The following THOC2 variants were observed in gnomAD, a reference collection of about 807,000 sequenced individuals.
THOC2 encodes the protein THO complex 2.
In THOC2, 10 loss-of-function variants were observed where a neutral mutation model predicts 128.4. The observed-to-expected ratio is 0.08, with a 90% CI of 0.05 to 0.13. The LOEUF is 0.13. Ranked by LOEUF, THOC2 falls within the 10% of genes least tolerant of loss-of-function variation. THOC2 has a pLI of 1.00. For missense variants in THOC2, 535 were observed against 1,155.7 expected (o/e 0.46, Z 7.79); for synonymous variants, 393 against 396.9 (o/e 0.99, Z 0.12).
intron 33 of THOC2, among the ~76,000 whole-genome samples, chrX:123,617,514 G>C (rs2046940984): frequency 9.0e-6 from 1 of 111,110 alleles, no homozygotes; most frequent in Admixed American, 9.6e-5. Context: ...GTGGTGCTAG[G>C]AATCAAGAAA....
At chrX:123,723,977 A>T (rs1172876452) in intron 1 of THOC2, among the ~76,000 whole-genome samples, 1 of 111,571 alleles carries the variant, frequency 9.0e-6, no homozygotes, top group Non-Finnish European at 1.9e-5. Context: ...CTCTATATTG[A>T]GGTTTCATGA....
chrX:123,698,457 CAA>C (rs763092017), intron 4 of THOC2, among the ~76,000 whole-genome samples: 18 of 36,052 alleles, frequency 5.0e-4, no homozygotes, highest in Middle Eastern at 0.018. Context: ...GACTCTGTCT[CAA>C]AAAAAAAAAA....
chrX:123,639,756 T>C (rs751398575), intron 16 of THOC2, among the ~76,000 whole-genome samples: 3 of 111,799 alleles, frequency 2.7e-5, no homozygotes, highest in African/African-American at 3.3e-5. Flanking sequence ...CTCAGCATTA[T>C]GCAATACATC....
intron 1 of THOC2, among the ~76,000 whole-genome samples, chrX:123,728,120 A>G (rs1274789109): frequency 8.9e-6 from 1 of 112,211 alleles, no homozygotes; most frequent in Non-Finnish European, 1.9e-5. Context: ...ATGTAGTTAA[A>G]TAAAGTGCTA....
Position 123,623,165 on chromosome X carries a change from G to A in THOC2, c.3622C>T (p.Pro1208Ser). Residue 1208 changes from proline to serine, a missense_variant, in exon 29 of 39, where the codon CCT (proline) becomes TCT (serine). Coordinates refer to ENST00000245838, the MANE Select transcript of THOC2 (RefSeq NM_001081550.2). ...ASVQNGPGGG[P>S]SSSSIGSASK... ...GCACTTCCTATTGATGATGAAGAAGGCCCACCACCAGGCCCATTTTGCACA... is the reference window on the plus strand; with the variant it reads ...GCACTTCCTATTGATGATGAAGAAGACCCACCACCAGGCCCATTTTGCACA... 1 of 1,211,120 alleles carries A rather than the reference G, an allele frequency of 8.3e-7. No individual in the cohort carries two copies. The highest frequency in any genetic ancestry group is 1.1e-6 in the Non-Finnish European group (1 of 895,091).
Position 123,613,385 on chromosome X carries a change from T to C in THOC2, c.4677+14A>G. 2 of 1,188,522 alleles carry C rather than the reference T, an allele frequency of 1.7e-6. No individual in the cohort carries two copies. Among genetic ancestry groups the C allele is most frequent in the Non-Finnish European group, 1.1e-6 (1 of 879,383 alleles). ...TAAGATAAAGCATATTATTCCTTTA[T>C]TTTCCTAATTTACCTTTTTGCCACC... On this transcript the variant is annotated intron_variant, in intron 36 of 38. Coordinates refer to ENST00000245838, the MANE Select transcript of THOC2 (RefSeq NM_001081550.2).
At chrX:123,687,162 A>G (rs1331091106) in intron 7 of THOC2, among the ~76,000 whole-genome samples, 1 of 112,157 alleles carries the variant, frequency 8.9e-6, no homozygotes, top group African/African-American at 3.2e-5. Flanking sequence ...ATAAACAGTT[A>G]AAAGTCCGGG....
At chrX:123,677,458 A>G (rs918530255) in intron 8 of THOC2, among the ~76,000 whole-genome samples, 111 of 112,427 alleles carry the variant, frequency 9.9e-4, no homozygotes, top group African/African-American at 3.2e-3. Context: ...TAAGTTTTTT[A>G]ATATTTTTTT....
At chrX:123,668,125 G>A (rs2049119797) in intron 10 of THOC2, 34 bp downstream of exon 10, 1 of 1,016,083 alleles carries the variant, frequency 9.8e-7, no homozygotes, top group Admixed American at 2.9e-5. Context: ...AAATCCAGAA[G>A]ATAGTGTTAA....
At chrX:123,661,337 G>T (rs765417453) in intron 12 of THOC2, among the ~76,000 whole-genome samples, 1 of 110,987 alleles carries the variant, frequency 9.0e-6, no homozygotes, top group Non-Finnish European at 1.9e-5. Context: ...CCCAGGAGGC[G>T]GAGGTTGCAG....
chrX:123,707,920 G>A (rs1265651107), intron 2 of THOC2, among the ~76,000 whole-genome samples: 1 of 106,799 alleles, frequency 9.4e-6, no homozygotes, highest in Non-Finnish European at 1.9e-5. Flanking sequence ...TTGAGCCTAG[G>A]AGTTCGAAAC....
At chrX:123,715,408 A>C (rs763153917) in intron 1 of THOC2, among the ~76,000 whole-genome samples, 25 of 111,072 alleles carry the variant, frequency 2.3e-4, no homozygotes, top group South Asian at 1.1e-3. Flanking sequence ...AAAAAGAAGA[A>C]TAAACTAAGT....
At chrX:123,676,114 G>T (rs1365692745) in intron 8 of THOC2, among the ~76,000 whole-genome samples, 1 of 112,347 alleles carries the variant, frequency 8.9e-6, no homozygotes, top group Non-Finnish European at 1.9e-5. Context: ...TTTTCCCCAT[G>T]TATCTCTTTT....
chrX:123,605,946 C>T (rs2046451175), intron 38 of THOC2, among the ~76,000 whole-genome samples: 2 of 110,967 alleles, frequency 1.8e-5, no homozygotes, highest in Non-Finnish European at 3.8e-5. Context: ...TTTAAAAAGG[C>T]CCTTGCTCTA....
intron 21 of THOC2, among the ~76,000 whole-genome samples, chrX:123,632,588 G>A (rs771127005): frequency 4.4e-4 from 48 of 109,873 alleles, no homozygotes; most frequent in African/African-American, 7.0e-4. Flanking sequence ...TCCAGAGATC[G>A]GGAAAGATAT....
chrX:123,613,219 T>C (rs1186401197), intron 36 of THOC2, among the ~76,000 whole-genome samples, 180 bp downstream of exon 36: 1 of 110,917 alleles, frequency 9.0e-6, no homozygotes, highest in Non-Finnish European at 1.9e-5. Context: ...CTCCTGGTAA[T>C]CTGGGACTGA....
intron 15 of THOC2, among the ~76,000 whole-genome samples, chrX:123,643,795 G>C (rs2048023535): frequency 9.1e-6 from 1 of 109,371 alleles, no homozygotes. Context: ...CCAATAGGCT[G>C]TGACCAGAAA....
chrX:123,698,230 C>T (rs979318493), intron 4 of THOC2, among the ~76,000 whole-genome samples: 2 of 111,410 alleles, frequency 1.8e-5, no homozygotes, highest in African/African-American at 3.3e-5. Flanking sequence ...GAGGCCAAGG[C>T]GGGCGGATCA....
chrX:123,635,271 AAAG>A (rs2047632162), intron 19 of THOC2, among the ~76,000 whole-genome samples: 1 of 112,201 alleles, frequency 8.9e-6, no homozygotes, highest in Non-Finnish European at 1.9e-5. Context: ...GCCTATAGAC[AAAG>A]AAGAATAAAA....
Sources: gnomAD v4.1 joint callset for allele counts (sites outside exome capture counted in the v4.1 genomes callset) on GRCh38, gnomAD v4.1.1 for gene constraint, MANE v1.5 for transcripts, NCBI Gene and HGNC (gene_info 2026-07-23, HGNC 2026-07-21) for gene names.